The following CDH12 variants were observed in gnomAD, a reference collection of about 807,000 sequenced individuals.
CDH12 encodes cadherin-12.
CDH12 carries 41 observed loss-of-function variants against 74.1 expected under a neutral mutation model. The ratio of observed to expected loss-of-function variants is 0.55; its 90% CI spans 0.43 to 0.72. CDH12 has a LOEUF of 0.72. CDH12 is among the 30% of genes least tolerant of loss of function. CDH12 has a pLI of 0.00. For missense variants in CDH12, 945 were observed against 977.2 expected (o/e 0.97, Z 0.44); for synonymous variants, 399 against 355.0 (o/e 1.12, Z -1.39).
At chr5:22,153,885 T>TAC (rs1554015739) in intron 4 of CDH12, among the ~76,000 whole-genome samples, 21 of 62,698 alleles carry the variant, frequency 3.3e-4, no homozygotes, top group African/African-American at 8.9e-4. Context: ...TATATATATA[T>TAC]ATAAATATAT....
intron 1 of CDH12, among the ~76,000 whole-genome samples, chr5:22,576,806 G>A (rs755152210): frequency 2.0e-5 from 3 of 152,072 alleles, no homozygotes; most frequent in Non-Finnish European, 4.4e-5. Context: ...TGAGAATTGG[G>A]AGTAGAGACA....
chr5:21,919,965 A>G (rs1754278435), intron 6 of CDH12, among the ~76,000 whole-genome samples: 2 of 152,170 alleles, frequency 1.3e-5, no homozygotes, highest in Admixed American at 1.3e-4. Context: ...AAATATCTTC[A>G]TGCCTATTTT....
chr5:22,622,848 C>G (rs546708712), intron 1 of CDH12, among the ~76,000 whole-genome samples: 13 of 152,140 alleles, frequency 8.5e-5, no homozygotes, highest in African/African-American at 1.2e-4. Context: ...GATACCAAAG[C>G]CTGGCAGAGG....
chr5:22,611,975 G>T (rs268965), intron 1 of CDH12, among the ~76,000 whole-genome samples: 73,917 of 151,930 alleles, frequency 0.49, 18,222 homozygotes, highest in Admixed American at 0.57. Context: ...TAGGGAATTT[G>T]ATTTTTCCTC....
At chr5:22,462,283 G>C (rs1415739213) in intron 2 of CDH12, among the ~76,000 whole-genome samples, 1 of 152,166 alleles carries the variant, frequency 6.6e-6, no homozygotes, top group African/African-American at 2.4e-5. Context: ...ATATATGATA[G>C]AAATGTGAGG....
At chr5:22,209,360 T>C (rs923000713) in intron 4 of CDH12, among the ~76,000 whole-genome samples, 4 of 152,166 alleles carry the variant, frequency 2.6e-5, no homozygotes, top group Non-Finnish European at 5.9e-5. Flanking sequence ...TGTAAGTCTG[T>C]TTTTTCTGAA....
chr5:22,826,326 G>A (rs1438419400), intron 1 of CDH12, among the ~76,000 whole-genome samples: 5 of 152,110 alleles, frequency 3.3e-5, no homozygotes, highest in Admixed American at 6.6e-5. Flanking sequence ...TTTGAGCCAC[G>A]TGGAAATGTG....
At chr5:21,947,399 T>C (rs1021783148) in intron 6 of CDH12, among the ~76,000 whole-genome samples, 4 of 152,138 alleles carry the variant, frequency 2.6e-5, no homozygotes, top group African/African-American at 9.7e-5. Flanking sequence ...AAAATGCTGA[T>C]TGTGATATAG....
intron 5 of CDH12, among the ~76,000 whole-genome samples, chr5:22,030,808 G>T (rs1256484644): frequency 1.3e-5 from 2 of 152,132 alleles, no homozygotes; most frequent in African/African-American, 4.8e-5. Context: ...GTTTAATGTA[G>T]CTACATTTAT....
In CDH12 at chr5:21,787,859, C is replaced by T. The variant is rs545780628; in HGVS notation, c.1257-4365G>A. The stretch of plus-strand genomic sequence containing the variant: ...ATATAATGAGCTTAATTCTCCGTAC[C>T]GCATATTCTTTTCTGAACAAGAAAG... On this transcript the variant is annotated intron_variant, in intron 10 of 14. Coordinates refer to ENST00000382254, the MANE Select transcript of CDH12 (RefSeq NM_004061.5). 9.2e-5 allele frequency among the ~76,000 whole-genome samples: 14 copies of T among 152,190 alleles called. No individual in the cohort carries two copies. The South Asian group carries it at 1.9e-3, about 20-fold the overall frequency.
chr5:22,297,981 CTT>C (rs751566012), intron 3 of CDH12, among the ~76,000 whole-genome samples: 110 of 151,760 alleles, frequency 7.2e-4, no homozygotes, highest in Admixed American at 1.2e-3. Flanking sequence ...TATTTCAAGA[CTT>C]ATATTTATAA....
chr5:21,904,233 G>T (rs896839340), intron 6 of CDH12, among the ~76,000 whole-genome samples: 6 of 152,074 alleles, frequency 3.9e-5, no homozygotes, highest in Non-Finnish European at 5.9e-5. Flanking sequence ...ATCTCAAAAA[G>T]TTTACCTACC....
Position 22,089,180 on chromosome 5 carries a change from G to A in CDH12, c.-186-10318C>T, listed in dbSNP as rs146856457. ...GAAAACTGTGGGGGTAAAAGATTCC[G>A]CAAAATGAGTTCATCCAATTCACTA... On this transcript the variant is annotated intron_variant, in intron 4 of 14. Coordinates refer to ENST00000382254, the MANE Select transcript of CDH12 (RefSeq NM_004061.5). Among the ~76,000 whole-genome samples, 39 of 152,224 alleles carry A rather than the reference G, an allele frequency of 2.6e-4. No homozygotes were observed. In the East Asian group the frequency reaches 5.4e-3, roughly 21 times the overall value.
intron 1 of CDH12, among the ~76,000 whole-genome samples, chr5:22,518,016 G>T (rs887707421): frequency 6.6e-6 from 1 of 152,150 alleles, no homozygotes; most frequent in African/African-American, 2.4e-5. Flanking sequence ...CCTTACAGCA[G>T]CTTTTTATAG....
At chr5:22,729,793 G>T (rs901505143) in intron 1 of CDH12, among the ~76,000 whole-genome samples, 3 of 151,826 alleles carry the variant, frequency 2.0e-5, no homozygotes, top group Non-Finnish European at 4.4e-5. Flanking sequence ...TATGTGATTG[G>T]CTAAATTCAG....
intron 1 of CDH12, among the ~76,000 whole-genome samples, chr5:22,727,015 T>C (rs1744197036): frequency 6.6e-6 from 1 of 151,856 alleles, no homozygotes; most frequent in Non-Finnish European, 1.5e-5. Flanking sequence ...TTTAAACAAT[T>C]ATTACAATCA....
chr5:22,335,952 G>A (rs1739563134), intron 3 of CDH12, among the ~76,000 whole-genome samples: 1 of 152,118 alleles, frequency 6.6e-6, no homozygotes, highest in Non-Finnish European at 1.5e-5. Context: ...GGGAAAGTTT[G>A]GAACTTCTTA....
chr5:21,909,062 A>G (rs759086791), intron 6 of CDH12, among the ~76,000 whole-genome samples: 1 of 152,154 alleles, frequency 6.6e-6, no homozygotes, highest in Non-Finnish European at 1.5e-5. Flanking sequence ...AAACCAAACA[A>G]AAACATTAAA....
At chr5:21,967,121 A>G (rs978134489) in intron 6 of CDH12, among the ~76,000 whole-genome samples, 3 of 152,024 alleles carry the variant, frequency 2.0e-5, no homozygotes, top group Non-Finnish European at 2.9e-5. Flanking sequence ...AATGAAAAAC[A>G]AAAATTATTT....
Sources: allele counts gnomAD v4.1 joint callset (sites outside exome capture counted in the v4.1 genomes callset), GRCh38; gene constraint gnomAD v4.1.1; transcripts MANE v1.5; gene names NCBI Gene and HGNC (gene_info 2026-07-23, HGNC 2026-07-21).